The following PACRG variants were observed in gnomAD, a reference collection of about 807,000 sequenced individuals.
PACRG encodes the protein parkin coregulated gene protein.
PACRG carries 29 observed loss-of-function variants against 29.7 expected under a neutral mutation model. That is an observed-to-expected ratio of 0.98 (90% CI 0.73 to 1.33). The LOEUF (loss-of-function observed/expected upper bound fraction) is 1.33. Among genes scored for constraint, PACRG ranks in the 40% most tolerant of loss-of-function variants. The pLI is 0.00. For synonymous variants in PACRG, 116 were observed against 118.7 expected (o/e 0.98, Z 0.15); for missense variants, 279 against 316.2 (o/e 0.88, Z 0.89).
intron 3 of PACRG, among the ~76,000 whole-genome samples, chr6:163,068,192 T>C (rs1001492739): frequency 6.6e-6 from 1 of 152,246 alleles, no homozygotes; most frequent in Non-Finnish European, 1.5e-5. Context: ...TGTTAGAGTT[T>C]GCATCTTCTA....
chr6:163,194,487 G>A (rs1334052556), intron 4 of PACRG, among the ~76,000 whole-genome samples: 1 of 151,994 alleles, frequency 6.6e-6, no homozygotes. Flanking sequence ...GCGCCTCCAG[G>A]CTGGTGGTGT....
At chr6:162,961,600 A>G (rs1800624144) in intron 2 of PACRG, among the ~76,000 whole-genome samples, 1 of 151,382 alleles carries the variant, frequency 6.6e-6, no homozygotes, top group Non-Finnish European at 1.5e-5. Flanking sequence ...AGTCTACCAC[A>G]CTCCACTCCA....
At chr6:163,131,233 G>C (rs547116591) in intron 4 of PACRG, among the ~76,000 whole-genome samples, 2 of 149,412 alleles carry the variant, frequency 1.3e-5, no homozygotes, top group East Asian at 4.0e-4. Flanking sequence ...GCGTGAACCC[G>C]GGAGGCGTAG....
intron 4 of PACRG, chr6:163,191,813 T>C (rs1354206075): frequency 4.4e-6 from 2 of 455,508 alleles, no homozygotes; most frequent in South Asian, 3.1e-5. Context: ...ACCTTTTTTC[T>C]CTAAACCCTG....
At chr6:163,205,079 A>G (rs1780849216) in intron 4 of PACRG, among the ~76,000 whole-genome samples, 1 of 152,244 alleles carries the variant, frequency 6.6e-6, no homozygotes, top group Non-Finnish European at 1.5e-5. Flanking sequence ...GACACAAACA[A>G]ATGGAAAAAC....
intron 4 of PACRG, among the ~76,000 whole-genome samples, chr6:163,110,619 C>A (rs954076005): frequency 3.3e-5 from 5 of 152,182 alleles, no homozygotes; most frequent in Non-Finnish European, 1.5e-5. Flanking sequence ...ACCACAGAGC[C>A]CCTTGTAGAG....
chr6:163,108,691 A>G (rs1815538670), intron 4 of PACRG, among the ~76,000 whole-genome samples: 1 of 151,970 alleles, frequency 6.6e-6, no homozygotes, highest in African/African-American at 2.4e-5. Context: ...GCCTGGCTGA[A>G]CCTCTTTTCC....
At chr6:163,200,581 C>T (rs1421209518) in intron 4 of PACRG, among the ~76,000 whole-genome samples, 2 of 152,218 alleles carry the variant, frequency 1.3e-5, no homozygotes, top group East Asian at 3.9e-4. Flanking sequence ...ATTTCGTGAG[C>T]AGCATGCAAG....
rs544445970 is a variant in PACRG, at chr6:163,044,508, A to C, written c.292-17642A>C. On this transcript the variant is annotated intron_variant, in intron 2 of 4. Coordinates refer to ENST00000366888, the MANE Select transcript of PACRG (RefSeq NM_001080379.2). ...ACAAAAACCTGATAGAGTATATGCAATCAGGTCCATAAATTATGAAACACA... is the reference window on the plus strand; with the variant it reads ...ACAAAAACCTGATAGAGTATATGCACTCAGGTCCATAAATTATGAAACACA... 6 of 152,334 alleles carry C rather than the reference A, an allele frequency of 3.9e-5. 1 individual carries two copies. Among genetic ancestry groups the C allele is most frequent in the South Asian group, 4.1e-4 (2 of 4,824 alleles). 9.4% of individuals were successfully genotyped at this position (152,334 alleles called of 1,614,324 possible).
chr6:163,239,639 G>A (rs73028012), intron 4 of PACRG, among the ~76,000 whole-genome samples: 22,591 of 146,456 alleles, frequency 0.15, 2,134 homozygotes, highest in South Asian at 0.28. Context: ...CTGCTCCCAC[G>A]GCTGCCCCAA....
intron 4 of PACRG, among the ~76,000 whole-genome samples, chr6:163,250,176 A>C (rs779103012): frequency 5.3e-5 from 8 of 152,268 alleles, no homozygotes; most frequent in Non-Finnish European, 1.0e-4. Context: ...AAGTTCTGAT[A>C]AAATAAGAAC....
At chr6:162,769,074 G>C (rs1322794941) in intron 1 of PACRG, among the ~76,000 whole-genome samples, 1 of 152,108 alleles carries the variant, frequency 6.6e-6, no homozygotes, top group Non-Finnish European at 1.5e-5. Context: ...GGTAAATGTG[G>C]AGGCAGCTTC....
chr6:163,148,966 G>A (rs1040996103), intron 4 of PACRG, among the ~76,000 whole-genome samples: 3 of 67,478 alleles, frequency 4.4e-5, no homozygotes, highest in East Asian at 5.3e-4. Flanking sequence ...TATGGCGGGG[G>A]GGGGGGGGGG....
rs145097940 is a variant in PACRG at position 163,047,488 on chromosome 6, A to C, written c.292-14662A>C. Among the ~76,000 whole-genome samples the C allele has an allele frequency of 4.7e-4, 71 of 152,286 alleles. No individual in the cohort carries two copies. The South Asian group carries it at 6.8e-3, about 15-fold the overall frequency. On this transcript the variant is annotated intron_variant, in intron 2 of 4. Coordinates refer to ENST00000366888, the MANE Select transcript of PACRG (RefSeq NM_001080379.2). ...ACAAGGGATTATTTCTTTCTTATTT[A>C]TTACACTTGAAAGTATCATTCTTTG...
At chr6:163,285,082 C>T (rs1784350845) in intron 4 of PACRG, among the ~76,000 whole-genome samples, 1 of 152,062 alleles carries the variant, frequency 6.6e-6, no homozygotes, top group African/African-American at 2.4e-5. Context: ...CCTTGGCCTC[C>T]TTTTGGCCCT....
chr6:162,905,427 T>A (rs1425471380), intron 2 of PACRG, among the ~76,000 whole-genome samples: 1 of 152,172 alleles, frequency 6.6e-6, no homozygotes, highest in Non-Finnish European at 1.5e-5. Context: ...ACCGTTTCTG[T>A]TTGCTGACCA....
At chr6:162,904,750 C>T (rs1242019168) in intron 2 of PACRG, among the ~76,000 whole-genome samples, 4 of 152,120 alleles carry the variant, frequency 2.6e-5, no homozygotes, top group African/African-American at 9.7e-5. Context: ...AAACCCAGTG[C>T]CTGACCTGTT....
intron 2 of PACRG, among the ~76,000 whole-genome samples, chr6:162,859,125 A>AT (rs1004817405): frequency 8.1e-5 from 12 of 148,526 alleles, no homozygotes; most frequent in East Asian, 2.0e-4. Flanking sequence ...CCTCTCTATC[A>AT]TTTTTTTTTT....
At chr6:163,027,346 G>A (rs180842608) in intron 2 of PACRG, among the ~76,000 whole-genome samples, 24 of 152,132 alleles carry the variant, frequency 1.6e-4, no homozygotes, top group Middle Eastern at 3.4e-3. Context: ...ACAATATTGC[G>A]TTCATTACAC....
Sources: allele counts gnomAD v4.1 joint callset (sites outside exome capture counted in the v4.1 genomes callset), GRCh38; gene constraint gnomAD v4.1.1; transcripts MANE v1.5; gene names NCBI Gene and HGNC (gene_info 2026-07-23, HGNC 2026-07-21).